The following BRD10 variants were observed in gnomAD, a reference collection of about 807,000 sequenced individuals.
BRD10 encodes the protein bromodomain containing 10.
the BRD10 span, chr9:6,007,883 G>A: frequency 7.3e-7 from 1 of 1,369,460 alleles, no homozygotes; most frequent in East Asian, 3.0e-5. Flanking sequence ...CGGCCGCGGC[G>A]CGTAGCCCCC....
chr9:5,952,177 C>T, the BRD10 span, among the ~76,000 whole-genome samples: 1 of 152,006 alleles, frequency 6.6e-6, no homozygotes. Flanking sequence ...CATGCCACCA[C>T]ACCCGGCTAA....
chr9:5,936,218 T>C, the BRD10 span, among the ~76,000 whole-genome samples: 1 of 152,134 alleles, frequency 6.6e-6, no homozygotes, highest in Non-Finnish European at 1.5e-5. Context: ...TAGCCGGCCA[T>C]GGTAGTGTGC....
At chr9:5,897,462 C>G in the BRD10 span, 37 of 1,193,516 alleles carry the variant, frequency 3.1e-5, no homozygotes, top group Non-Finnish European at 4.6e-5. Flanking sequence ...TCTGGGTCGT[C>G]AAAGTCCATA....
chr9:5,899,861 T>C, the BRD10 span, among the ~76,000 whole-genome samples: 1 of 152,200 alleles, frequency 6.6e-6, no homozygotes, highest in Admixed American at 6.5e-5. Context: ...CTTGGTCCCA[T>C]TGTCTGCCAT....
the BRD10 span, among the ~76,000 whole-genome samples, chr9:5,957,426 ATTCTAATTAATC>A: frequency 6.6e-6 from 1 of 152,144 alleles, no homozygotes; most frequent in Non-Finnish European, 1.5e-5. Context: ...CGCATTTGTT[ATTCTAATTAATC>A]TTAACAATAC....
the BRD10 span, among the ~76,000 whole-genome samples, chr9:5,951,233 C>A: frequency 1.1e-4 from 16 of 151,698 alleles, no homozygotes; most frequent in Non-Finnish European, 1.9e-4. Context: ...AATAGGGGGG[C>A]AAGTTCAAGT....
At chr9:5,997,747 C>G in the BRD10 span, among the ~76,000 whole-genome samples, 1 of 152,284 alleles carries the variant, frequency 6.6e-6, no homozygotes, top group Admixed American at 6.5e-5. Flanking sequence ...TCAGGCAGAT[C>G]CATCCATCCA....
At chr9:5,944,960 G>T in the BRD10 span, 1 of 1,486,818 alleles carries the variant, frequency 6.7e-7, no homozygotes, top group Non-Finnish European at 9.1e-7. Context: ...GTGCAAATAA[G>T]CTAAAATAAA....
chr9:5,955,857 A>G, the BRD10 span, among the ~76,000 whole-genome samples: 1 of 152,208 alleles, frequency 6.6e-6, no homozygotes, highest in African/African-American at 2.4e-5. Context: ...ATACTCAGGG[A>G]GAAGTGATTA....
At chr9:5,968,045 T>C in the BRD10 span, 1 of 1,527,574 alleles carries the variant, frequency 6.5e-7, no homozygotes, top group South Asian at 1.3e-5. Flanking sequence ...GTGTTTTGCT[T>C]TTTTTTTGAT....
the BRD10 span, among the ~76,000 whole-genome samples, chr9:5,994,882 T>C: frequency 7.9e-4 from 120 of 152,108 alleles, 1 homozygote; most frequent in African/African-American, 2.7e-3. Context: ...TAACAGCAAC[T>C]TCAAATGCTA....
At chr9:5,965,721 A>C in the BRD10 span, among the ~76,000 whole-genome samples, 1 of 152,218 alleles carries the variant, frequency 6.6e-6, no homozygotes, top group Non-Finnish European at 1.5e-5. Context: ...CTACTAAAGG[A>C]CAATGTGAAT....
At chr9:5,925,702 G>A in the BRD10 span, among the ~76,000 whole-genome samples, 6 of 152,160 alleles carry the variant, frequency 3.9e-5, no homozygotes, top group South Asian at 1.2e-3. Flanking sequence ...AAAAAATTAT[G>A]CCTAGGAAAA....
At chr9:5,998,061 C>G in the BRD10 span, among the ~76,000 whole-genome samples, 13 of 151,896 alleles carry the variant, frequency 8.6e-5, no homozygotes, top group African/African-American at 2.9e-4. Flanking sequence ...TTGGCTAGAG[C>G]AATTTGGTGG....
At chr9:6,007,368 C>T in the BRD10 span, 1 of 1,613,256 alleles carries the variant, frequency 6.2e-7, no homozygotes, top group East Asian at 2.2e-5. Context: ...CTTCCATCTG[C>T]AGCAGACACA....
the BRD10 span, among the ~76,000 whole-genome samples, chr9:5,927,025 G>A: frequency 6.6e-6 from 1 of 152,114 alleles, no homozygotes; most frequent in Non-Finnish European, 1.5e-5. Flanking sequence ...GCTGTGAAAG[G>A]TATTAGAATG....
At chr9:5,884,611 C>CA in the BRD10 span, among the ~76,000 whole-genome samples, 4 of 152,230 alleles carry the variant, frequency 2.6e-5, no homozygotes, top group Non-Finnish European at 5.9e-5. Flanking sequence ...CTTCCAGACA[C>CA]AAACACAGCC....
At chr9:5,997,750 T>C in the BRD10 span, among the ~76,000 whole-genome samples, 1 of 152,184 alleles carries the variant, frequency 6.6e-6, no homozygotes, top group Non-Finnish European at 1.5e-5. Flanking sequence ...GGCAGATCCA[T>C]CCATCCATTC....
chr9:5,998,654 T>C, the BRD10 span, among the ~76,000 whole-genome samples: 1 of 152,082 alleles, frequency 6.6e-6, no homozygotes, highest in Non-Finnish European at 1.5e-5. Context: ...CATGTGTACA[T>C]ATGAGATAAA....
Sources: gnomAD v4.1 joint callset for allele counts (sites outside exome capture counted in the v4.1 genomes callset) on GRCh38, gnomAD v4.1.1 for gene constraint, MANE v1.5 for transcripts, NCBI Gene and HGNC (gene_info 2026-07-23, HGNC 2026-07-21) for gene names.